Variants in MLLT3 observed in about 807,000 individuals in gnomAD.
MLLT3 encodes MLLT3 super elongation complex subunit, also known as protein AF-9.
A neutral mutation model predicts 53.2 loss-of-function variants in MLLT3; 4 were observed. That is an observed-to-expected ratio of 0.08 (90% CI 0.04 to 0.17). The LOEUF (loss-of-function observed/expected upper bound fraction) is 0.17, where lower values mean the gene tolerates loss of function less well. MLLT3 is among the 10% of genes least tolerant of loss of function. The pLI is 1.00. For synonymous variants in MLLT3, 283 were observed against 230.6 expected (o/e 1.23, Z -2.06); for missense variants, 569 against 684.0 (o/e 0.83, Z 1.87).
intron 2 of MLLT3, among the ~76,000 whole-genome samples, chr9:20,529,824 C>A (rs1388761184): frequency 1.3e-5 from 2 of 149,978 alleles, no homozygotes; most frequent in Non-Finnish European, 3.0e-5. Flanking sequence ...CCTGCCTTGG[C>A]CTCCCAAAGC....
chr9:20,542,752 C>T (rs1818675983), intron 2 of MLLT3, among the ~76,000 whole-genome samples: 1 of 152,132 alleles, frequency 6.6e-6, no homozygotes, highest in South Asian at 2.1e-4. Flanking sequence ...AACAAGAAAG[C>T]CATCCTGTCC....
rs200815094 is a variant in MLLT3 at position 20,357,978 on chromosome 9, TGC to T, written c.1431+2762_1431+2763del. On this transcript the variant is annotated intron_variant, in intron 8 of 10. Transcript: ENST00000380338. ...TCCCCCTACTTTTCTCCCTCCCTCCTGCGCACACACACACACACACACACACA... is the reference window on the plus strand; with the variant it reads ...TCCCCCTACTTTTCTCCCTCCCTCCTGCACACACACACACACACACACACA... Among the ~76,000 whole-genome samples, 149 of 139,328 alleles carry T rather than the reference TGC, an allele frequency of 1.1e-3. 1 individual carries two copies. The highest frequency in any genetic ancestry group is 2.3e-3 in the Admixed American group (32 of 14,132). The allele number at this position is 139,328 out of a possible 152,430, so 91.4% of individuals were successfully genotyped here.
chr9:20,491,770 C>T (rs1824955041), intron 2 of MLLT3, among the ~76,000 whole-genome samples: 1 of 152,076 alleles, frequency 6.6e-6, no homozygotes, highest in Non-Finnish European at 1.5e-5. Context: ...GAGCTTTATT[C>T]ATCAGTAGCA....
intron 2 of MLLT3, among the ~76,000 whole-genome samples, chr9:20,605,432 C>A (rs951626129): frequency 6.6e-6 from 1 of 151,816 alleles, no homozygotes; most frequent in Non-Finnish European, 1.5e-5. Context: ...ATAACGGAAA[C>A]AAAGTAATTT....
At chr9:20,374,571 C>A (rs1821704523) in intron 5 of MLLT3, among the ~76,000 whole-genome samples, 1 of 152,128 alleles carries the variant, frequency 6.6e-6, no homozygotes, top group Non-Finnish European at 1.5e-5. Context: ...CTTATGTTAA[C>A]CTAACAATCT....
chr9:20,366,379 C>T (rs182191842), intron 5 of MLLT3, among the ~76,000 whole-genome samples: 250 of 152,320 alleles, frequency 1.6e-3, no homozygotes, highest in Middle Eastern at 0.01. Context: ...ATGAACTCAT[C>T]CTTTTTATGG....
chr9:20,554,301 T>C (rs766628222), intron 2 of MLLT3, among the ~76,000 whole-genome samples: 84 of 152,188 alleles, frequency 5.5e-4, no homozygotes, highest in Non-Finnish European at 1.0e-3. Flanking sequence ...ACCTCTGTTC[T>C]CTATTACTTA....
At chr9:20,478,010 T>G (rs1054872597) in intron 2 of MLLT3, among the ~76,000 whole-genome samples, 2 of 152,210 alleles carry the variant, frequency 1.3e-5, no homozygotes, top group Non-Finnish European at 2.9e-5. Context: ...AAGTAAAAAG[T>G]ACAATAATTA....
At chr9:20,534,749 G>C (rs1484132452) in intron 2 of MLLT3, among the ~76,000 whole-genome samples, 1 of 152,072 alleles carries the variant, frequency 6.6e-6, no homozygotes, top group Non-Finnish European at 1.5e-5. Context: ...AGCTGGGCGT[G>C]GTGGCAGGCG....
chr9:20,607,143 A>C (rs1298519328), intron 2 of MLLT3, among the ~76,000 whole-genome samples: 3 of 152,122 alleles, frequency 2.0e-5, no homozygotes, highest in African/African-American at 7.2e-5. Context: ...CCAATTTGGA[A>C]TCTCTTTGCA....
chr9:20,619,615 C>T (rs1395528517), intron 2 of MLLT3, among the ~76,000 whole-genome samples: 1 of 152,180 alleles, frequency 6.6e-6, no homozygotes, highest in Admixed American at 6.5e-5. Flanking sequence ...ATAAATAAAC[C>T]TGCTCACAAA....
At chr9:20,476,367 C>A (rs1221577814) in intron 2 of MLLT3, among the ~76,000 whole-genome samples, 2 of 152,082 alleles carry the variant, frequency 1.3e-5, no homozygotes, top group African/African-American at 4.8e-5. Context: ...GAGACAGCAA[C>A]TTCACTTTAA....
chr9:20,345,344 T>C lies in MLLT3; in HGVS notation c.*1099A>G, dbSNP rs1429913699. 3 of 211,702 alleles carry C rather than the reference T, an allele frequency of 1.4e-5. No homozygotes were observed. Among genetic ancestry groups the C allele is most frequent in the Admixed American group, 1.2e-4 (2 of 16,996 alleles). The allele number at this position is 211,702 out of a possible 1,614,324, so 13.1% of individuals were successfully genotyped here. A position where few individuals can be genotyped will look rare whatever the true frequency, so the allele number is the denominator to read the frequency against. On this transcript the variant is annotated 3_prime_UTR_variant, in exon 11 of 11. Coordinates refer to ENST00000380338, the MANE Select transcript of MLLT3 (RefSeq NM_004529.4). ...TATAAAAGTGTCTAAGAGAATCATATGTGAACAAACAAAAATCTCTGATTC... is the reference window on the plus strand; with the variant it reads ...TATAAAAGTGTCTAAGAGAATCATACGTGAACAAACAAAAATCTCTGATTC...
At chr9:20,354,359 C>T (rs1022781162) in intron 9 of MLLT3, among the ~76,000 whole-genome samples, 1 of 152,192 alleles carries the variant, frequency 6.6e-6, no homozygotes, top group African/African-American at 2.4e-5. Flanking sequence ...AGAGGTCTGC[C>T]CTGGCCCTAC....
intron 2 of MLLT3, among the ~76,000 whole-genome samples, chr9:20,503,318 T>C (rs146794935): frequency 6.6e-5 from 10 of 152,220 alleles, no homozygotes; most frequent in African/African-American, 2.2e-4. Flanking sequence ...CAGTAATCAA[T>C]ACAGCATGCT....
chr9:20,523,695 T>A (rs900728515), intron 2 of MLLT3, among the ~76,000 whole-genome samples: 44 of 151,994 alleles, frequency 2.9e-4, no homozygotes, highest in African/African-American at 1.0e-3. Flanking sequence ...ATGGGCCGGA[T>A]GGGGTGGCTC....
intron 2 of MLLT3, among the ~76,000 whole-genome samples, chr9:20,497,642 T>C (rs1825112536): frequency 6.6e-6 from 1 of 152,196 alleles, no homozygotes; most frequent in Non-Finnish European, 1.5e-5. Context: ...AGTTCATTCC[T>C]CTTTATTGCT....
chr9:20,614,584 T>C (rs1820778899), intron 2 of MLLT3, among the ~76,000 whole-genome samples: 1 of 152,110 alleles, frequency 6.6e-6, no homozygotes, highest in Admixed American at 6.5e-5. Flanking sequence ...ATATGAAAAT[T>C]TCAGATAACT....
At chr9:20,464,533 A>G (rs1164742772) in intron 2 of MLLT3, among the ~76,000 whole-genome samples, 1 of 152,170 alleles carries the variant, frequency 6.6e-6, no homozygotes, top group African/African-American at 2.4e-5. Flanking sequence ...CTACATAAAA[A>G]TAACAGTATA....
Sources: gnomAD v4.1 joint callset for allele counts (sites outside exome capture counted in the v4.1 genomes callset) on GRCh38, gnomAD v4.1.1 for gene constraint, MANE v1.5 for transcripts, NCBI Gene and HGNC (gene_info 2026-07-23, HGNC 2026-07-21) for gene names.